Variants in ARL15 observed in about 807,000 individuals in gnomAD.
The protein encoded by ARL15 is ARF like GTPase 15, also known as ADP-ribosylation factor-like protein 15.
In ARL15, 19 loss-of-function variants were observed where a neutral mutation model predicts 25.2. The observed-to-expected ratio is 0.75, with a 90% confidence interval of 0.53 to 1.10. The LOEUF is 1.10. Ranked by LOEUF, ARL15 falls within the 50% of genes least tolerant of loss-of-function variation. The probability of loss-of-function intolerance (pLI) is 0.00; values close to 1 mark genes in which losing one functional copy is unlikely to be tolerated. For synonymous variants in ARL15, 94 were observed against 86.8 expected, an observed-to-expected ratio of 1.08 and a Z score of -0.46; for missense variants, 220 against 246.0, an observed-to-expected ratio of 0.89 and a Z score of 0.71.
At chr5:54,155,996 A>G (rs1322636278) in intron 2 of ARL15, among the ~76,000 whole-genome samples, 1 of 152,222 alleles carries the variant, frequency 6.6e-6, no homozygotes, top group Non-Finnish European at 1.5e-5. Context: ...TTTTTCAAGA[A>G]TTTATCAACA....
chr5:54,235,495 C>CTT (rs35079877), intron 1 of ARL15, among the ~76,000 whole-genome samples: 256 of 145,656 alleles, frequency 1.8e-3, no homozygotes, highest in African/African-American at 3.5e-3. Context: ...ATAGTTAAAC[C>CTT]TTTTTTTTTT....
At chr5:54,221,302 A>C (rs1411595472) in intron 1 of ARL15, among the ~76,000 whole-genome samples, 1 of 152,204 alleles carries the variant, frequency 6.6e-6, no homozygotes, top group Non-Finnish European at 1.5e-5. Context: ...GGTTTTACAC[A>C]GGGGCTTTCC....
At chr5:54,194,968 G>C (rs1755509478) in intron 1 of ARL15, among the ~76,000 whole-genome samples, 1 of 152,154 alleles carries the variant, frequency 6.6e-6, no homozygotes, top group Non-Finnish European at 1.5e-5. Context: ...GGGTGTCTCA[G>C]TCCTCCTCTA....
At chr5:54,157,701 G>A (rs1246830704) in intron 2 of ARL15, among the ~76,000 whole-genome samples, 4 of 152,096 alleles carry the variant, frequency 2.6e-5, no homozygotes, top group East Asian at 3.9e-4. Context: ...ACGAGCCTCC[G>A]CACCCAGCCC....
At chr5:54,048,449 C>T (rs1338756187) in intron 4 of ARL15, 1 of 146,872 alleles carries the variant, frequency 6.8e-6, no homozygotes, top group Admixed American at 6.8e-5. Context: ...GTTGCCTAGG[C>T]TAGAATGCAA....
At chr5:53,934,340 A>T (rs547655061) in intron 4 of ARL15, among the ~76,000 whole-genome samples, 1 of 152,188 alleles carries the variant, frequency 6.6e-6, no homozygotes, top group South Asian at 2.1e-4. Context: ...CTGTCATTTC[A>T]TGAGAAATCT....
intron 4 of ARL15, among the ~76,000 whole-genome samples, chr5:53,901,401 T>C (rs1345074785): frequency 6.6e-6 from 1 of 152,126 alleles, no homozygotes; most frequent in East Asian, 1.9e-4. Flanking sequence ...GTCCTACCTA[T>C]ATGTCTGTAA....
At chr5:54,028,738 A>C (rs759622224) in intron 4 of ARL15, among the ~76,000 whole-genome samples, 1 of 152,156 alleles carries the variant, frequency 6.6e-6, no homozygotes, top group Non-Finnish European at 1.5e-5. Context: ...TTGGCCAGGC[A>C]TGGTGGCTCA....
At chr5:53,972,493 G>A (rs569064560) in intron 4 of ARL15, among the ~76,000 whole-genome samples, 11 of 152,054 alleles carry the variant, frequency 7.2e-5, no homozygotes, top group East Asian at 1.9e-4. Context: ...TAATCTTTCC[G>A]GGTCTTAGTA....
intron 1 of ARL15, among the ~76,000 whole-genome samples, chr5:54,177,138 T>C (rs1163747260): frequency 1.3e-5 from 2 of 152,190 alleles, no homozygotes; most frequent in Non-Finnish European, 2.9e-5. Context: ...ACGGGACAAG[T>C]TATGACTTGG....
chr5:54,163,690 TA>T (rs1490126328), intron 2 of ARL15, among the ~76,000 whole-genome samples: 2 of 152,006 alleles, frequency 1.3e-5, no homozygotes, highest in Admixed American at 1.3e-4. Context: ...TTTACTGGCA[TA>T]AGGTTGTTCA....
intron 1 of ARL15, among the ~76,000 whole-genome samples, chr5:54,238,168 CA>C (rs1260490257): frequency 6.6e-6 from 1 of 152,018 alleles, no homozygotes; most frequent in African/African-American, 2.4e-5. Flanking sequence ...AGTTAAAAAA[CA>C]AAATGGGAAT....
At chr5:54,165,551 C>CAGAAGTAAGA (rs1754536141) in intron 2 of ARL15, among the ~76,000 whole-genome samples, 1 of 150,998 alleles carries the variant, frequency 6.6e-6, no homozygotes, top group African/African-American at 2.4e-5. Flanking sequence ...TGCATTTTTC[C>CAGAAGTAAGA]AGTGAAAAAA....
rs1246625849 is a variant in ARL15 at position 54,154,604 on chromosome 5, T to C, written c.229A>G (p.Ile77Val). The C allele has an allele frequency of 1.0e-5, 16 of 1,530,434 alleles. No individual in the cohort carries two copies. Among genetic ancestry groups the C allele is most frequent in the African/African-American group, 4.2e-5 (3 of 71,484 alleles). The allele number at this position is 1,530,434 out of a possible 1,614,324, so 94.8% of individuals were successfully genotyped here. A position where few individuals can be genotyped will look rare whatever the true frequency, so the allele number is the denominator to read the frequency against. ...CCTCCAAGTTCTTTTACATTCAAGATGGCATTCTGGAATGGCACTGCTTTA... is the reference window on the plus strand; with the variant it reads ...CCTCCAAGTTCTTTTACATTCAAGACGGCATTCTGGAATGGCACTGCTTTA... ...SIKAVPFQNA[I>V]LNVKELGGAD... The change falls in exon 3 of 5, where the codon ATC (isoleucine) becomes GTC (valine). Residue 77 changes from isoleucine to valine, a missense_variant. Transcript: ENST00000504924.
At chr5:54,225,767 A>G (rs1470992926) in intron 1 of ARL15, among the ~76,000 whole-genome samples, 2 of 152,196 alleles carry the variant, frequency 1.3e-5, no homozygotes, top group Admixed American at 6.5e-5. Context: ...AGGACACACC[A>G]TCGCATCGGG....
At chr5:54,114,406 G>GAACAAAAAAAAA (rs1752833364) in intron 3 of ARL15, among the ~76,000 whole-genome samples, 1 of 74,474 alleles carries the variant, frequency 1.3e-5, no homozygotes, top group Non-Finnish European at 2.3e-5. Flanking sequence ...TCCATCTCAA[G>GAACAAAAAAAAA]AAAAAAAAAA....
At chr5:54,005,005 T>A (rs4334836) in intron 4 of ARL15, among the ~76,000 whole-genome samples, 1 of 151,910 alleles carries the variant, frequency 6.6e-6, no homozygotes, top group Non-Finnish European at 1.5e-5. Context: ...TTCTTTTTTC[T>A]TTTGAATAAT....
intron 4 of ARL15, among the ~76,000 whole-genome samples, chr5:54,064,085 A>T (rs1643840477): frequency 6.6e-6 from 1 of 152,022 alleles, no homozygotes; most frequent in South Asian, 2.1e-4. Context: ...TCTTTCTCTG[A>T]TTTTCTTCAG....
chr5:54,265,030 A>G (rs970957476), intron 1 of ARL15, among the ~76,000 whole-genome samples: 2 of 152,186 alleles, frequency 1.3e-5, no homozygotes, highest in Admixed American at 6.5e-5. Context: ...TAAATGTTCA[A>G]CACTGACTGA....
Sources: gnomAD v4.1 joint callset for allele counts (sites outside exome capture counted in the v4.1 genomes callset) on GRCh38, gnomAD v4.1.1 for gene constraint, MANE v1.5 for transcripts, NCBI Gene and HGNC (gene_info 2026-07-23, HGNC 2026-07-21) for gene names.